The following ACACA variants were observed in gnomAD, a reference collection of about 807,000 sequenced individuals.
ACACA encodes acetyl-CoA carboxylase 1.
Under a neutral mutation model 296.1 loss-of-function variants are expected in ACACA, and 103 were observed. That is an observed-to-expected ratio of 0.35 (90% CI 0.30 to 0.41). ACACA has a LOEUF of 0.41. Ranked by LOEUF, ACACA falls within the 10% of genes least tolerant of loss-of-function variation. ACACA has a pLI of 1.00. For synonymous variants in ACACA, 953 were observed against 1,038.6 expected (o/e 0.92, Z 1.58); for missense variants, 1,554 against 2,989.7 (o/e 0.52, Z 11.20).
intron 50 of ACACA, 54 bp downstream of exon 50, chr17:37,121,301 G>A (rs548419342): frequency 1.1e-5 from 17 of 1,611,962 alleles, no homozygotes; most frequent in African/African-American, 5.3e-5. Context: ...TCCCTCTGCC[G>A]CAGAGTGCCC....
Position 37,113,065 on chromosome 17 carries a change from T to C in ACACA, c.6452+23A>G. On this transcript the variant is annotated intron_variant, in intron 51 of 55. Transcript: ENST00000616317. The surrounding 1 kb of genome is among the most constrained non-coding windows in gnomAD (Gnocchi z 4.0). ...CTACAGGGTCCCTAAAGGCAGTGAA[T>C]GGAAATGTGGAAGGCACGCTACCTG... 3 of 1,613,664 alleles carry C rather than the reference T, an allele frequency of 1.9e-6. No homozygotes were observed. Among genetic ancestry groups the C allele is most frequent in the Non-Finnish European group, 2.5e-6 (3 of 1,179,904 alleles).
chr17:37,165,360 C>A (rs1163355318), intron 41 of ACACA, among the ~76,000 whole-genome samples: 2 of 152,124 alleles, frequency 1.3e-5, no homozygotes, highest in Non-Finnish European at 2.9e-5. Context: ...GATCCAAATC[C>A]AGGCGCTATC....
chr17:37,296,359 G>A (rs1567958672), intron 3 of ACACA, among the ~76,000 whole-genome samples: 1 of 143,652 alleles, frequency 7.0e-6, no homozygotes, highest in Non-Finnish European at 1.5e-5. Flanking sequence ...AGTCTGGAGT[G>A]CAGTGGTGAG....
intron 3 of ACACA, among the ~76,000 whole-genome samples, chr17:37,294,340 A>C (rs1359780587): frequency 4.6e-5 from 7 of 152,222 alleles, no homozygotes; most frequent in Non-Finnish European, 1.0e-4. Flanking sequence ...TACTTAAGTC[A>C]CGTGAACTTG....
chr17:37,275,837 A>G, intron 8 of ACACA, 114 bp downstream of exon 8: 2 of 879,720 alleles, frequency 2.3e-6, no homozygotes, highest in Middle Eastern at 3.1e-4. Flanking sequence ...CCATTAATCA[A>G]CCAGTATTCC....
chr17:37,087,250 C>T lies in ACACA; in HGVS notation c.*66G>A, dbSNP rs1349962455. On this transcript the variant is annotated 3_prime_UTR_variant, in exon 56 of 56. Transcript: ENST00000616317. ...CTGTGCCTTCTCATTACAGTGGTTA[C>T]AGTTGTAAAAGGCAGCTCTAGCCCT... 2 of 1,606,696 alleles carry T rather than the reference C, an allele frequency of 1.2e-6. No homozygotes were observed. Among genetic ancestry groups the T allele is most frequent in the Admixed American group, 1.7e-5 (1 of 59,976 alleles).
chr17:37,363,179 C>CTTTTTTTTTTTTTTTTT (rs902746004), intron 1 of ACACA, among the ~76,000 whole-genome samples: 1 of 72,850 alleles, frequency 1.4e-5, no homozygotes, highest in Non-Finnish European at 2.3e-5. Context: ...TTCTCTTTTT[C>CTTTTTTTTTTTTTTTTT]TTTTTTTTTT....
intron 41 of ACACA, among the ~76,000 whole-genome samples, chr17:37,166,304 AT>A (rs1366914388): frequency 1.3e-5 from 2 of 151,104 alleles, no homozygotes; most frequent in South Asian, 2.1e-4. Flanking sequence ...TGCCCAGCTA[AT>A]TTTTTTTATT....
chr17:37,404,570 AT>A (rs5820212), intron 1 of ACACA, among the ~76,000 whole-genome samples: 15,727 of 104,574 alleles, frequency 0.15, 748 homozygotes, highest in East Asian at 0.26. Flanking sequence ...TGCCACAGTG[AT>A]TTTTTTTTTT....
intron 1 of ACACA, 150 bp downstream of exon 1, chr17:37,406,112 G>C: frequency 1.2e-6 from 1 of 826,330 alleles, no homozygotes; most frequent in African/African-American, 1.7e-5. Context: ...CTGGAAAATA[G>C]GGATAACAAC....
intron 43 of ACACA, among the ~76,000 whole-genome samples, chr17:37,154,604 G>A (rs150059290): frequency 0.084 from 12,712 of 151,816 alleles, 760 homozygotes; most frequent in Non-Finnish European, 0.13. Context: ...TCAAGCGATT[G>A]TCCTGCCTCA....
rs569507558 is a variant in ACACA at position 37,201,376 on chromosome 17, G to A, written c.4057-893C>T. ...AAATCGTTTGAACCAAGGAGGCAGA[G>A]GTTGCCGAGATTGCATCACTGTACT... On this transcript the variant is annotated intron_variant, in intron 33 of 55. Coordinates refer to ENST00000616317, the MANE Select transcript of ACACA (RefSeq NM_198834.3). Among the ~76,000 whole-genome samples the A allele has an allele frequency of 1.1e-4, 17 of 152,160 alleles. No individual in the cohort carries two copies. In the East Asian group the frequency reaches 3.3e-3, roughly 29 times the overall value.
chr17:37,087,495 G>A (rs1173687120), intron 55 of ACACA, 56 bp from the exon 56 acceptor site: 1 of 1,608,456 alleles, frequency 6.2e-7, no homozygotes, highest in Non-Finnish European at 8.5e-7. Context: ...GTCTAGATGA[G>A]GACAGCTAAA....
intron 25 of ACACA, among the ~76,000 whole-genome samples, chr17:37,234,680 A>C (rs1264180702): frequency 6.6e-6 from 1 of 152,202 alleles, no homozygotes; most frequent in Non-Finnish European, 1.5e-5. Context: ...TGCTGTCATG[A>C]TGACCACAGG....
chr17:37,329,816 C>T (rs1407150392), intron 3 of ACACA, among the ~76,000 whole-genome samples: 1 of 150,968 alleles, frequency 6.6e-6, no homozygotes, highest in Non-Finnish European at 1.5e-5. Context: ...TGGCAGGCGC[C>T]TGTAATCCCA....
rs182708238 is a variant in ACACA at position 37,140,427 on chromosome 17, C to A, written c.5679+9437G>T. ...ACTTTAAAAATTCCCCACCTCCTATCTATTCACTCCCCAGCCTAAAACAGT... is the reference window on the plus strand; with the variant it reads ...ACTTTAAAAATTCCCCACCTCCTATATATTCACTCCCCAGCCTAAAACAGT... On this transcript the variant is annotated intron_variant, in intron 45 of 55. Transcript: ENST00000616317. 1.4e-3 allele frequency among the ~76,000 whole-genome samples: 209 copies of A among 152,226 alleles called. 1 individual carries two copies. The highest frequency in any genetic ancestry group is 2.4e-3 in the Non-Finnish European group (162 of 68,004).
chr17:37,338,014 G>A (rs1406485938), intron 2 of ACACA, among the ~76,000 whole-genome samples: 3 of 151,674 alleles, frequency 2.0e-5, no homozygotes, highest in African/African-American at 7.3e-5. Context: ...GGAGTATGGC[G>A]TGAACCCAGG....
chr17:37,342,327 G>C (rs2048404145), intron 1 of ACACA, among the ~76,000 whole-genome samples: 1 of 137,370 alleles, frequency 7.3e-6, no homozygotes, highest in Admixed American at 7.8e-5. Flanking sequence ...AGAATAGCTT[G>C]AACCCAGGAA....
intron 38 of ACACA, among the ~76,000 whole-genome samples, chr17:37,190,266 T>C (rs2077698428): frequency 6.6e-6 from 1 of 151,980 alleles, no homozygotes; most frequent in African/African-American, 2.4e-5. Context: ...CCGTTTCTAC[T>C]AAAAATACAA....
Sources: gnomAD v4.1 joint callset for allele counts (sites outside exome capture counted in the v4.1 genomes callset) on GRCh38, gnomAD v4.1.1 for gene constraint, Gnocchi (gnomAD v3.1) non-coding constraint, MANE v1.5 for transcripts, NCBI Gene and HGNC (gene_info 2026-07-23, HGNC 2026-07-21) for gene names.